Variants in EN1 observed in about 807,000 individuals in gnomAD.
EN1 encodes the protein engrailed homeobox 1.
In EN1, 8 loss-of-function variants were observed where a neutral mutation model predicts 22.9. The ratio of observed to expected loss-of-function variants is 0.35; its 90% CI spans 0.20 to 0.63. The LOEUF (loss-of-function observed/expected upper bound fraction) is 0.63, where lower values mean the gene tolerates loss of function less well. EN1 is among the 20% of genes least tolerant of loss of function. EN1 has a pLI of 0.73. For synonymous variants in EN1, 287 were observed against 262.5 expected, an observed-to-expected ratio of 1.09 and a Z score of -0.90; for missense variants, 521 against 572.1, an observed-to-expected ratio of 0.91 and a Z score of 0.91.
chr2:118,842,920 G>C lies in EN1; in HGVS notation c.*18C>G, dbSNP rs749494873. The C allele has an allele frequency of 3.2e-6, 5 of 1,587,046 alleles. No homozygotes were observed. In the African/African-American group the frequency reaches 4.1e-5, roughly 13 times the overall value. ...CGGTGCCGGGAGGGGGCGCGGGCGC[G>C]GCCCCGGCCTGTGGCGGCTACTCGC... On this transcript the variant is annotated 3_prime_UTR_variant, in exon 2 of 2. Coordinates refer to ENST00000295206, the MANE Select transcript of EN1 (RefSeq NM_001426.4).
In EN1 at chr2:118,847,566, A is replaced by G. The variant is rs1678300918; in HGVS notation, c.-399T>C. The G allele has an allele frequency of 6.4e-6, 1 of 157,210 alleles. No individual in the cohort carries two copies. Among genetic ancestry groups the G allele is most frequent in the Non-Finnish European group, 1.4e-5 (1 of 71,634 alleles). 9.7% of individuals were successfully genotyped at this position (157,210 alleles called of 1,614,324 possible). A position where few individuals can be genotyped will look rare whatever the true frequency, so the allele number is the denominator to read the frequency against. ...CCAATAATTTTTTTCTTAAAGGGAA[A>G]AAAATAGTATTTAAAGTCTAGCCAT... On this transcript the variant is annotated 5_prime_UTR_variant, in exon 1 of 2. Coordinates refer to ENST00000295206, the MANE Select transcript of EN1 (RefSeq NM_001426.4).
At chr2:118,844,074 A>G (rs1678232601) in intron 1 of EN1, 1 of 152,180 alleles carries the variant, frequency 6.6e-6, no homozygotes, top group African/African-American at 2.4e-5. Context: ...GATGGTGCCA[A>G]TAAGAAAGGG....
At position 118,846,650 on chromosome 2, in the gene EN1, G is replaced by A; in HGVS notation, c.518C>T (p.Pro173Leu). The change falls in exon 1 of 2, where the codon CCG (proline) becomes CTG (leucine). Residue 173 changes from proline (P) to leucine (L), a missense_variant. Pro to Leu is a moderately conservative substitution (Grantham distance 98). Transcript: ENST00000295206. The surrounding 1 kb of genome is among the most constrained non-coding windows in gnomAD (Gnocchi z 5.0). ...APGAASLLCA[P>L]DANCGPPDGS... is the part of the protein sequence containing the mutation. ...GTCGGGTGGGCCACAGTTCGCGTCCGGGGCGCACAGGAGCGAGGCAGCGCC... is the reference window on the plus strand; with the variant it reads ...GTCGGGTGGGCCACAGTTCGCGTCCAGGGCGCACAGGAGCGAGGCAGCGCC... The A allele has an allele frequency of 6.5e-7, 1 of 1,545,954 alleles. No individual in the cohort carries two copies. Among genetic ancestry groups the A allele is most frequent in the Non-Finnish European group, 8.6e-7 (1 of 1,156,372 alleles).
At chr2:118,844,123 G>C (rs1179663538) in intron 1 of EN1, 1 of 152,182 alleles carries the variant, frequency 6.6e-6, no homozygotes, top group Non-Finnish European at 1.5e-5. Flanking sequence ...GCGTGGGGCA[G>C]GGTCTCTCTT....
chr2:118,846,784 C>T lies in EN1; in HGVS notation c.384G>A (p.Val128=), dbSNP rs1389908254. 6.3e-7 allele frequency: 1 copy of T among 1,595,300 alleles called. No individual in the cohort carries two copies. The highest frequency in any genetic ancestry group is 8.5e-7 in the Non-Finnish European group (1 of 1,177,496). Residue 128 remains valine, a synonymous_variant, in exon 1 of 2, where the codon GTG becomes GTA. Coordinates refer to ENST00000295206, the MANE Select transcript of EN1 (RefSeq NM_001426.4). The surrounding 1 kb of genome is among the most constrained non-coding windows in gnomAD (Gnocchi z 5.0). ...CTGCGCCTCCTCTGGCCGCCGCAGC[C>T]ACCAGAAGCTGCGGTGGCGGCTGCT... The part of the protein sequence containing the change: ...KKEQPPPQLL[V]AAAARGGAGG...
chr2:118,845,016 G>T (rs1678246700), intron 1 of EN1, among the ~76,000 whole-genome samples: 1 of 152,258 alleles, frequency 6.6e-6, no homozygotes, highest in South Asian at 2.1e-4. Context: ...TGTGTGTGCA[G>T]AGGCACGGAC....
rs764150550 is a variant in EN1 at position 118,846,257 on chromosome 2, CGGTCCGCGGGG to C, written c.862+38_862+48del. 1 of 1,578,642 alleles carries C rather than the reference CGGTCCGCGGGG, an allele frequency of 6.3e-7. No homozygotes were observed. ...AGCGCCGCAGCTTGGCGTTCTGGGG[CGGTCCGCGGGG>C]CCAGAAGGCATGGCGCAGCCCGGAG... On this transcript the variant is annotated intron_variant, in intron 1 of 1. Coordinates refer to ENST00000295206, the MANE Select transcript of EN1 (RefSeq NM_001426.4). This position sits in a 1 kb window ranked among gnomAD's most constrained non-coding sequence, Gnocchi z 5.0.
rs1678206306 is a variant in EN1 at position 118,842,514 on chromosome 2, AG to A, written c.*423del. The A allele has an allele frequency of 1.3e-5, 2 of 151,746 alleles. No homozygotes were observed. Among genetic ancestry groups the A allele is most frequent in the Admixed American group, 6.6e-5 (1 of 15,220 alleles). The allele number at this position is 151,746 out of a possible 1,614,324, so 9.4% of individuals were successfully genotyped here. ...GGCGGGGGCAGCGAGGCGGTGGGGG[AG>A]GGGATAAAATAATTATAATAATTAT... On this transcript the variant is annotated 3_prime_UTR_variant, in exon 2 of 2. Coordinates refer to ENST00000295206, the MANE Select transcript of EN1 (RefSeq NM_001426.4).
At chr2:118,843,924 C>T (rs941841042) in intron 1 of EN1, 2 of 152,424 alleles carry the variant, frequency 1.3e-5, no homozygotes, top group African/African-American at 2.4e-5. Flanking sequence ...CCACACACAC[C>T]TCCTCGCCTT....
chr2:118,845,980 G>A (rs1280442454), intron 1 of EN1, among the ~76,000 whole-genome samples: 3 of 152,124 alleles, frequency 2.0e-5, no homozygotes, highest in African/African-American at 7.2e-5. Flanking sequence ...TAAACACCCT[G>A]GAAAGAAAAT....
chr2:118,843,219 CGTT>C lies in EN1; in HGVS notation c.895_897del (p.Asn299del). 1.4e-6 allele frequency: 2 copies of C among 1,418,264 alleles called. No individual in the cohort carries two copies. Among genetic ancestry groups the C allele is most frequent in the Non-Finnish European group, 1.9e-6 (2 of 1,065,502 alleles). 87.9% of individuals were successfully genotyped at this position (1,418,264 alleles called of 1,614,324 possible). A position where few individuals can be genotyped will look rare whatever the true frequency, so the allele number is the denominator to read the frequency against. On this transcript the variant is annotated inframe_deletion, in exon 2 of 2. Coordinates refer to ENST00000295206, the MANE Select transcript of EN1 (RefSeq NM_001426.4). ...GTCCGCGGCCGCTTGTCCTCCTTCT[CGTT>C]CTTCTTCTTCTTCAGCTTCCTGGTG...
At position 118,842,255 on chromosome 2, in the gene EN1, G is replaced by T. The variant is rs1469782266; in HGVS notation, c.*683C>A. 6.6e-6 allele frequency: 1 copy of T among 152,634 alleles called. No homozygotes were observed. Among genetic ancestry groups the T allele is most frequent in the African/African-American group, 2.4e-5 (1 of 41,442 alleles). 9.5% of individuals were successfully genotyped at this position (152,634 alleles called of 1,614,324 possible). A position where few individuals can be genotyped will look rare whatever the true frequency, so the allele number is the denominator to read the frequency against. On this transcript the variant is annotated 3_prime_UTR_variant, in exon 2 of 2. Transcript: ENST00000295206. ...TGGCTTGTAGCGGCGGTTCAGTCTC[G>T]CAGTCTGTGGGGTCGTATTTCTCAA...
rs189344595 is a variant in EN1, at chr2:118,842,879, C to G, written c.*59G>C. 15 of 1,547,226 alleles carry G rather than the reference C, an allele frequency of 9.7e-6. No individual in the cohort carries two copies. The highest frequency in any genetic ancestry group is 1.4e-5 in the African/African-American group (1 of 73,090). ...GATGCTTTCTCCCCCAGCGAGGGGC[C>G]GGGAGACGACGGCGGCGGTGCCGGG... On this transcript the variant is annotated 3_prime_UTR_variant, in exon 2 of 2. Transcript: ENST00000295206.
At position 118,847,012 on chromosome 2, in the gene EN1, C is replaced by T. The variant is rs927812547; in HGVS notation, c.156G>A (p.Pro52=). The T allele has an allele frequency of 2.9e-6, 4 of 1,382,608 alleles. No individual in the cohort carries two copies. In the South Asian group the frequency reaches 6.7e-5, roughly 23 times the overall value. 85.6% of individuals were successfully genotyped at this position (1,382,608 alleles called of 1,614,324 possible). A position where few individuals can be genotyped will look rare whatever the true frequency, so the allele number is the denominator to read the frequency against. The change falls in exon 1 of 2, where the codon CCG becomes CCA. Residue 52 remains proline (P), a synonymous_variant. Transcript: ENST00000295206. ...CGGGCGGCGAGGGGGGCGCAGGCTG[C>T]GGGGACACCGGCACGCTGTCTCCAT... is the stretch of plus-strand genomic sequence containing the variant. ...GSDGDSVPVS[P]QPAPPSPPAA...
Position 118,846,568 on chromosome 2 carries a change from CGCA to C in EN1, c.597_599del (p.Ala208del), listed in dbSNP as rs1678274880. 12 of 1,214,302 alleles carry C rather than the reference CGCA, an allele frequency of 9.9e-6. No individual in the cohort carries two copies. In the South Asian group the frequency reaches 2.9e-4, roughly 29 times the overall value. The allele number at this position is 1,214,302 out of a possible 1,614,324, so 75.2% of individuals were successfully genotyped here. A position where few individuals can be genotyped will look rare whatever the true frequency, so the allele number is the denominator to read the frequency against. On this transcript the variant is annotated inframe_deletion, in exon 1 of 2. Transcript: ENST00000295206. The surrounding 1 kb of genome is among the most constrained non-coding windows in gnomAD (Gnocchi z 5.0). ...CTGCCGCCGCGGCCGCCGCCGCCGC[CGCA>C]GCCGGGTTCCCAGCTTTAGACGCGC...
chr2:118,845,531 G>A (rs923261809), intron 1 of EN1, among the ~76,000 whole-genome samples: 1 of 152,238 alleles, frequency 6.6e-6, no homozygotes, highest in Non-Finnish European at 1.5e-5. Context: ...CGGGGAGGAT[G>A]CGGGAACCGT....
At position 118,847,078 on chromosome 2, in the gene EN1, G is replaced by T; in HGVS notation, c.90C>A (p.Ser30Arg). 1 of 1,427,688 alleles carries T rather than the reference G, an allele frequency of 7.0e-7. No homozygotes were observed. Among genetic ancestry groups the T allele is most frequent in the South Asian group, 1.4e-5 (1 of 71,864 alleles). 88.4% of individuals were successfully genotyped at this position (1,427,688 alleles called of 1,614,324 possible). A position where few individuals can be genotyped will look rare whatever the true frequency, so the allele number is the denominator to read the frequency against. ...TGCTGCCGCTGGCGCCCGGACTGAG[G>T]CTCAGGCTGAGGCCGCCCGGAGTCG... Reference protein sequence around the residue: ...AAATPGGLSLSLSPGASGSSG... With the variant: ...AAATPGGLSLRLSPGASGSSG... Residue 30 changes from serine (S) to arginine (R), a missense_variant, in exon 1 of 2, where the codon AGC (serine) becomes AGA (arginine). This residue lies in a region of EN1 where 436 missense variants were observed against 410.1 expected (regional missense o/e 1.06). Transcript: ENST00000295206.
chr2:118,846,290 G>A lies in EN1; in HGVS notation c.862+16C>T. The A allele has an allele frequency of 6.2e-7, 1 of 1,605,012 alleles. No homozygotes were observed. The highest frequency in any genetic ancestry group is 8.5e-7 in the Non-Finnish European group (1 of 1,176,144). ...GGGGCCAGAAGGCATGGCGCAGCCC[G>A]GAGTTGGGTACTCACCGGAGGATGG... On this transcript the variant is annotated intron_variant, in intron 1 of 1. Coordinates refer to ENST00000295206, the MANE Select transcript of EN1 (RefSeq NM_001426.4). This position sits in a 1 kb window ranked among gnomAD's most constrained non-coding sequence, Gnocchi z 5.0.
At chr2:118,844,373 T>C (rs1678237191) in intron 1 of EN1, 1 of 151,524 alleles carries the variant, frequency 6.6e-6, no homozygotes, top group Non-Finnish European at 1.5e-5. Context: ...GAAACCTCCT[T>C]AGGAAGGTGA....
Sources: allele counts gnomAD v4.1 joint callset (sites outside exome capture counted in the v4.1 genomes callset), GRCh38; gene constraint gnomAD v4.1.1; regional missense constraint gnomAD v4.1.1; non-coding constraint Gnocchi (gnomAD v3.1); transcripts MANE v1.5; gene names NCBI Gene and HGNC (gene_info 2026-07-23, HGNC 2026-07-21).